ANKRD18B: variants seen among roughly 807,000 people sequenced by gnomAD.
ANKRD18B encodes ankyrin repeat domain-containing protein 18B.
In ANKRD18B, 75 loss-of-function variants were observed where a neutral mutation model predicts 111.8. The ratio of observed to expected loss-of-function variants is 0.67; its 90% CI spans 0.56 to 0.81. The LOEUF (loss-of-function observed/expected upper bound fraction) is 0.81. Among genes scored for constraint, ANKRD18B ranks in the 40% least tolerant of loss-of-function variants. The pLI is 0.00. For synonymous variants in ANKRD18B, 356 were observed against 417.3 expected (o/e 0.85, Z 1.79); for missense variants, 1,038 against 1,225.5 (o/e 0.85, Z 2.28).
At chr9:33,535,274 GTGTTTTGTTT>G (rs908012376) in intron 5 of ANKRD18B, among the ~76,000 whole-genome samples, 1 of 151,798 alleles carries the variant, frequency 6.6e-6, no homozygotes, top group African/African-American at 2.4e-5. Flanking sequence ...CACAGCTACA[GTGTTTTGTTT>G]TGTTTTGTTT....
intron 10 of ANKRD18B, among the ~76,000 whole-genome samples, chr9:33,547,681 A>AGTGTGTGTGT (rs55918212): frequency 5.7e-4 from 83 of 146,280 alleles, no homozygotes; most frequent in South Asian, 2.9e-3. Flanking sequence ...AATTCTCTAG[A>AGTGTGTGTGT]GTGTGTGTGT....
rs1587252862 is a variant in ANKRD18B at position 33,524,603 on chromosome 9, C to G, written c.114C>G (p.Ile38Met). Residue 38 changes from isoleucine (I) to methionine (M), a missense_variant, in exon 1 of 19, where the codon ATC (isoleucine) becomes ATG (methionine). Coordinates refer to ENST00000684830, the MANE Select transcript of ANKRD18B (RefSeq NM_001393611.1). ...YHIRDWELRK[I>M]HRAAIKGDAA... ...TTCGGGACTGGGAACTGCGGAAGAT[C>G]CACAGGGCGGCCATCAAGGGCGACG... 2.6e-6 allele frequency: 4 copies of G among 1,551,558 alleles called. No individual in the cohort carries two copies. In the East Asian group the frequency reaches 9.8e-5, roughly 38 times the overall value.
rs925652348 is a variant in ANKRD18B at position 33,568,741 on chromosome 9, A to G, written c.3025A>G (p.Ser1009Gly). 4 of 1,551,430 alleles carry G rather than the reference A, an allele frequency of 2.6e-6. No homozygotes were observed. The highest frequency in any genetic ancestry group is 3.5e-6 in the Non-Finnish European group (4 of 1,146,756). The stretch of plus-strand genomic sequence containing the variant: ...GAAAGAGCGGATGGAATATTTTCTC[A>G]GCACTCTTCCTATGAGGCCAGACCC... ...MEKERMEYFLSTLPMRPDPEL... is the reference protein window; with the variant it reads ...MEKERMEYFLGTLPMRPDPEL... Residue 1009 changes from serine (S) to glycine (G), a missense_variant, in exon 17 of 19, where the codon AGC becomes GGC. By Grantham distance (56) the Ser-to-Gly change is moderately conservative (BLOSUM62 0). Coordinates refer to ENST00000684830, the MANE Select transcript of ANKRD18B (RefSeq NM_001393611.1).
At chr9:33,531,958 G>T (rs1194038644) in intron 3 of ANKRD18B, among the ~76,000 whole-genome samples, 3 of 152,154 alleles carry the variant, frequency 2.0e-5, no homozygotes, top group Non-Finnish European at 4.4e-5. Flanking sequence ...GTGACAGCTG[G>T]ATGCGATGGC....
At chr9:33,532,437 A>G (rs1828131513) in intron 3 of ANKRD18B, among the ~76,000 whole-genome samples, 1 of 152,210 alleles carries the variant, frequency 6.6e-6, no homozygotes, top group African/African-American at 2.4e-5. Flanking sequence ...AAGTTGCATT[A>G]ATGTCCCAGG....
chr9:33,571,320 T>C (rs1216840190), intron 18 of ANKRD18B, 29 bp downstream of exon 18: 1 of 1,060,758 alleles, frequency 9.4e-7, no homozygotes, highest in Admixed American at 4.0e-5. Context: ...TTAATTAAAT[T>C]TAGGTTTATT....
At position 33,555,886 on chromosome 9, in the gene ANKRD18B, A is replaced by T. The variant is rs1828518873; in HGVS notation, c.2330+66A>T. 6.6e-6 allele frequency: 7 copies of T among 1,066,954 alleles called. 1 individual carries two copies. In the South Asian group the frequency reaches 1.8e-4, roughly 27 times the overall value. 66.1% of individuals were successfully genotyped at this position (1,066,954 alleles called of 1,614,324 possible). On this transcript the variant is annotated intron_variant, in intron 13 of 18. Transcript: ENST00000684830. Reference sequence around the variant, plus strand: ...ATTGATTTAACTCTAACTTTACTTGACTAAAACTTTGATACAAATTCATTT... The same window carrying T: ...ATTGATTTAACTCTAACTTTACTTGTCTAAAACTTTGATACAAATTCATTT...
rs769141056 is a variant in ANKRD18B, at chr9:33,554,147, GAGAGAAAGAAAGAA to G, written c.2218-1555_2218-1542del. 4.3e-3 allele frequency among the ~76,000 whole-genome samples: 418 copies of G among 96,902 alleles called. 2 individuals are homozygous for G. The highest frequency in any genetic ancestry group is 0.022 in the African/African-American group (378 of 17,424). The allele number at this position is 96,902 out of a possible 152,430, so 63.6% of individuals were successfully genotyped here. A position where few individuals can be genotyped will look rare whatever the true frequency, so the allele number is the denominator to read the frequency against. On this transcript the variant is annotated intron_variant, in intron 12 of 18. Coordinates refer to ENST00000684830, the MANE Select transcript of ANKRD18B (RefSeq NM_001393611.1). ...GCCCAAAAAAGAAGAAAGAGAGAGA[GAGAGAAAGAAAGAA>G]AGAGAGAAAGAAAGAAGGAAAAAGA...
At chr9:33,562,833 A>G (rs1828626635) in intron 14 of ANKRD18B, among the ~76,000 whole-genome samples, 1 of 152,226 alleles carries the variant, frequency 6.6e-6, no homozygotes, top group South Asian at 2.1e-4. Context: ...AAAAAGGAAA[A>G]TGAAAATCGA....
downstream of ANKRD18B, chr9:33,573,295 G>T: frequency 3.0e-6 from 3 of 985,180 alleles, no homozygotes; most frequent in South Asian, 4.7e-5. Flanking sequence ...GAGGTACCAA[G>T]AAACTAGCAA....
At chr9:33,538,347 G>T (rs936512772) in intron 6 of ANKRD18B, among the ~76,000 whole-genome samples, 6 of 152,282 alleles carry the variant, frequency 3.9e-5, no homozygotes, top group African/African-American at 1.4e-4. Context: ...TCACCATAAG[G>T]TGGAACCTCA....
chr9:33,573,282 A>C (rs187297672), downstream of ANKRD18B: 11 of 985,268 alleles, frequency 1.1e-5, no homozygotes, highest in African/African-American at 1.9e-4. Context: ...TGTCGCATCC[A>C]CTGAGGTACC....
downstream of ANKRD18B, among the ~76,000 whole-genome samples, chr9:33,574,013 G>C (rs1180644987): frequency 7.0e-6 from 1 of 143,064 alleles, no homozygotes; most frequent in East Asian, 2.1e-4. Flanking sequence ...TAGGGGTCTG[G>C]TCAGTGTGGG....
intron 13 of ANKRD18B, among the ~76,000 whole-genome samples, chr9:33,557,397 A>C (rs1379730354): frequency 6.6e-6 from 1 of 151,986 alleles, no homozygotes; most frequent in Non-Finnish European, 1.5e-5. Flanking sequence ...ACTTTTTTAA[A>C]GTCTTGGTTA....
chr9:33,537,677 G>A (rs1224106596), intron 6 of ANKRD18B, among the ~76,000 whole-genome samples: 2 of 152,094 alleles, frequency 1.3e-5, no homozygotes, highest in African/African-American at 4.8e-5. Context: ...GAATATTGCG[G>A]GGGTTAGGGA....
At chr9:33,554,529 A>G (rs1447165453) in intron 12 of ANKRD18B, among the ~76,000 whole-genome samples, 2 of 152,232 alleles carry the variant, frequency 1.3e-5, no homozygotes, top group African/African-American at 2.4e-5. Context: ...GCAGCCAGGC[A>G]TGGTGGCTCA....
chr9:33,561,613 T>C (rs1426249814), intron 14 of ANKRD18B, among the ~76,000 whole-genome samples: 3 of 152,360 alleles, frequency 2.0e-5, no homozygotes, highest in Admixed American at 6.5e-5. Context: ...CAAAGATTTA[T>C]GCCAACGTTT....
At position 33,529,038 on chromosome 9, in the gene ANKRD18B, C is replaced by A; in HGVS notation, c.360C>A (p.Leu120=). 1 of 1,612,364 alleles carries A rather than the reference C, an allele frequency of 6.2e-7. No homozygotes were observed. The highest frequency in any genetic ancestry group is 8.5e-7 in the Non-Finnish European group (1 of 1,179,854). The change falls in exon 3 of 19, where the codon CTC becomes CTA. Residue 120 remains leucine (L), a synonymous_variant. Coordinates refer to ENST00000684830, the MANE Select transcript of ANKRD18B (RefSeq NM_001393611.1). The stretch of plus-strand genomic sequence containing the variant: ...AGGAAGAGGCTTGTGCCATTATTCT[C>A]CTGAAACGTGGCGCCAATCCAAACA... The part of the protein sequence containing the change: ...HCQEEACAII[L]LKRGANPNIK...
At chr9:33,550,874 A>G (rs1828436661) in intron 12 of ANKRD18B, among the ~76,000 whole-genome samples, 1 of 152,190 alleles carries the variant, frequency 6.6e-6, no homozygotes, top group African/African-American at 2.4e-5. Flanking sequence ...CAGTATTTTT[A>G]GATAATTTCC....
Sources: allele counts gnomAD v4.1 joint callset (sites outside exome capture counted in the v4.1 genomes callset), GRCh38; gene constraint gnomAD v4.1.1; transcripts MANE v1.5; gene names NCBI Gene and HGNC (gene_info 2026-07-23, HGNC 2026-07-21).